The following LRRTM4 variants were observed in gnomAD, a reference collection of about 807,000 sequenced individuals.
LRRTM4 encodes the protein leucine rich repeat transmembrane neuronal 4, also known as leucine-rich repeat transmembrane neuronal protein 4.
In LRRTM4, 25 loss-of-function variants were observed where a neutral mutation model predicts 47.6. That is an observed-to-expected ratio of 0.53 (90% CI 0.38 to 0.73). The LOEUF is 0.73. Among genes scored for constraint, LRRTM4 ranks in the 30% least tolerant of loss-of-function variants. LRRTM4 has a pLI of 0.00. For synonymous variants in LRRTM4, 311 were observed against 269.5 expected (o/e 1.15, Z -1.51); for missense variants, 638 against 713.4 (o/e 0.89, Z 1.20).
At chr2:77,517,707 A>G (rs914397819) in intron 3 of LRRTM4, 1 of 982,042 alleles carries the variant, frequency 1.0e-6, no homozygotes, top group Non-Finnish European at 1.2e-6. Flanking sequence ...AAAAAAAAAA[A>G]AGAAAGAAGC....
chr2:77,196,829 A>G (rs1290838906), intron 3 of LRRTM4, among the ~76,000 whole-genome samples: 1 of 152,200 alleles, frequency 6.6e-6, no homozygotes, highest in Non-Finnish European at 1.5e-5. Context: ...AGTACCAAGA[A>G]CAATATAAGT....
At chr2:77,484,914 A>C (rs1048604473) in intron 3 of LRRTM4, among the ~76,000 whole-genome samples, 1 of 152,186 alleles carries the variant, frequency 6.6e-6, no homozygotes, top group Non-Finnish European at 1.5e-5. Flanking sequence ...AAGCATGTTT[A>C]TGAATAAATA....
chr2:76,976,987 A>G (rs1247096901), intron 3 of LRRTM4, among the ~76,000 whole-genome samples: 2 of 142,214 alleles, frequency 1.4e-5, no homozygotes, highest in African/African-American at 2.9e-5. Flanking sequence ...CTAAAATTAA[A>G]CAGAAAAAAA....
chr2:76,894,841 A>C (rs1673360775), intron 3 of LRRTM4, among the ~76,000 whole-genome samples: 1 of 151,786 alleles, frequency 6.6e-6, no homozygotes, highest in Admixed American at 6.6e-5. Flanking sequence ...CGTCTGTTGC[A>C]ATACATATAT....
intron 3 of LRRTM4, among the ~76,000 whole-genome samples, chr2:77,403,771 C>T (rs180717286): frequency 3.3e-5 from 5 of 151,524 alleles, no homozygotes; most frequent in Admixed American, 2.0e-4. Context: ...ACCCTAGCCC[C>T]GACTCTACCC....
intron 3 of LRRTM4, among the ~76,000 whole-genome samples, chr2:77,512,525 C>T (rs924666656): frequency 3.9e-5 from 6 of 152,074 alleles, no homozygotes; most frequent in Non-Finnish European, 8.8e-5. Context: ...AAAAGACATA[C>T]TGGTTTTTCA....
intron 3 of LRRTM4, among the ~76,000 whole-genome samples, chr2:77,236,760 T>A (rs1675113339): frequency 1.3e-5 from 2 of 152,140 alleles, no homozygotes; most frequent in East Asian, 1.9e-4. Flanking sequence ...GAAAGCTTTT[T>A]CTGCATCTGT....
chr2:77,476,984 GTGTGTGTGTGTGTA>G lies in LRRTM4; in HGVS notation c.1551+41320_1551+41333del, dbSNP rs764229469. 7.5e-3 allele frequency among the ~76,000 whole-genome samples: 1,129 copies of G among 150,602 alleles called. 6 individuals carry two copies. Among genetic ancestry groups the G allele is most frequent in the Non-Finnish European group, 0.013 (857 of 67,482 alleles). On this transcript the variant is annotated intron_variant, in intron 3 of 3. Transcript: ENST00000409884. ...AAGAGATGTGTGTGTGTGTGTGTGT[GTGTGTGTGTGTGTA>G]TGTGTGTACTTTTATGCCATAAATG... is the stretch of plus-strand genomic sequence containing the variant.
At chr2:76,807,945 CTTTCTTTCTTTT>C (rs1473223113) in intron 3 of LRRTM4, among the ~76,000 whole-genome samples, 3 of 131,688 alleles carry the variant, frequency 2.3e-5, no homozygotes, top group Non-Finnish European at 3.1e-5. Context: ...TTCTTTCTTT[CTTTCTTTCTTTT>C]TCTTTTTCTT....
intron 3 of LRRTM4, among the ~76,000 whole-genome samples, chr2:77,288,865 G>A (rs1676737633): frequency 6.6e-6 from 1 of 151,926 alleles, no homozygotes; most frequent in East Asian, 1.9e-4. Context: ...GAAGCCAATT[G>A]GGATGGAGCC....
chr2:76,932,315 A>G (rs1289317456), intron 3 of LRRTM4, among the ~76,000 whole-genome samples: 1 of 152,154 alleles, frequency 6.6e-6, no homozygotes. Context: ...CAAAGCACCA[A>G]GTATGGAGAG....
rs555942150 is a variant in LRRTM4, at chr2:76,900,171, T to C, written c.1552-151255A>G. Reference sequence around the variant, plus strand: ...TTGGCTTGAATCTGGGAAGCACAGATTGCAGTGAGCCAAGATCACACCACT... The same window carrying C: ...TTGGCTTGAATCTGGGAAGCACAGACTGCAGTGAGCCAAGATCACACCACT... On this transcript the variant is annotated intron_variant, in intron 3 of 3. Coordinates refer to ENST00000409884, the MANE Select transcript of LRRTM4 (RefSeq NM_001134745.3). Among the ~76,000 whole-genome samples the C allele has an allele frequency of 1.2e-3, 180 of 152,124 alleles. 2 individuals are homozygous for C. Among genetic ancestry groups the C allele is most frequent in the Admixed American group, 0.011 (171 of 15,264 alleles).
In LRRTM4 at chr2:76,824,836, G is replaced by T. The variant is rs144224192; in HGVS notation, c.1552-75920C>A. Among the ~76,000 whole-genome samples, 383 of 151,694 alleles carry T rather than the reference G, an allele frequency of 2.5e-3. 2 individuals carry two copies. The highest frequency in any genetic ancestry group is 8.8e-3 in the African/African-American group (366 of 41,470). On this transcript the variant is annotated intron_variant, in intron 3 of 3. Coordinates refer to ENST00000409884, the MANE Select transcript of LRRTM4 (RefSeq NM_001134745.3). ...TCCATCAAGAATGAATAGAGTTTGA[G>T]TGAAAGCACAGGATGGAACTCTTTT...
intron 3 of LRRTM4, among the ~76,000 whole-genome samples, chr2:77,057,923 A>G (rs1679661921): frequency 6.6e-6 from 1 of 152,156 alleles, no homozygotes. Flanking sequence ...GTTTGGATGC[A>G]CGTAAGTGTA....
chr2:76,958,372 A>G (rs1337597338), intron 3 of LRRTM4, among the ~76,000 whole-genome samples: 1 of 151,788 alleles, frequency 6.6e-6, no homozygotes, highest in Non-Finnish European at 1.5e-5. Context: ...TCGAAGATAG[A>G]TAACTGAGCC....
At chr2:77,338,974 T>A (rs977946189) in intron 3 of LRRTM4, among the ~76,000 whole-genome samples, 2 of 151,970 alleles carry the variant, frequency 1.3e-5, no homozygotes, top group Non-Finnish European at 2.9e-5. Context: ...CTGGAAACCA[T>A]AATCTTAAGT....
chr2:76,892,899 G>T (rs543407065), intron 3 of LRRTM4, among the ~76,000 whole-genome samples: 19 of 151,178 alleles, frequency 1.3e-4, no homozygotes, highest in African/African-American at 4.6e-4. Context: ...AAGAAACATT[G>T]AAACTGCACT....
chr2:77,270,278 T>C (rs546151505), intron 3 of LRRTM4, among the ~76,000 whole-genome samples: 25 of 152,192 alleles, frequency 1.6e-4, no homozygotes, highest in African/African-American at 6.0e-4. Flanking sequence ...GAAAAGGTAA[T>C]AGGTCTTGCT....
intron 3 of LRRTM4, among the ~76,000 whole-genome samples, chr2:77,036,942 T>C (rs1025004355): frequency 6.6e-5 from 10 of 151,868 alleles, no homozygotes; most frequent in South Asian, 2.1e-4. Context: ...AAGGAAGTGA[T>C]TGACCCCTAC....
Sources: allele counts gnomAD v4.1 joint callset (sites outside exome capture counted in the v4.1 genomes callset), GRCh38; gene constraint gnomAD v4.1.1; transcripts MANE v1.5; gene names NCBI Gene and HGNC (gene_info 2026-07-23, HGNC 2026-07-21).